Variants in IL1RAPL1 observed in about 807,000 individuals in gnomAD.
IL1RAPL1 encodes the protein interleukin-1 receptor accessory protein-like 1.
In IL1RAPL1, 3 loss-of-function variants were observed where a neutral mutation model predicts 48.4. That is an observed-to-expected ratio of 0.06 (90% confidence interval 0.03 to 0.16). The LOEUF (loss-of-function observed/expected upper bound fraction) is 0.16. Ranked by LOEUF, IL1RAPL1 falls within the 10% of genes least tolerant of loss-of-function variation. The pLI, the probability that IL1RAPL1 is intolerant of heterozygous loss-of-function variation, is 1.00. For missense variants in IL1RAPL1, 349 were observed against 530.6 expected (o/e 0.66, Z 3.36); for synonymous variants, 185 against 187.7 (o/e 0.99, Z 0.12).
chrX:29,203,071 CAGAACTG>C (rs1930588231), intron 2 of IL1RAPL1, among the ~76,000 whole-genome samples: 1 of 111,422 alleles, frequency 9.0e-6, no homozygotes. Flanking sequence ...GATTTTAGTA[CAGAACTG>C]AGATCTGTAC....
At chrX:28,744,532 A>T (rs188105749) in intron 1 of IL1RAPL1, among the ~76,000 whole-genome samples, 41 of 111,275 alleles carry the variant, frequency 3.7e-4, no homozygotes, top group Non-Finnish European at 5.7e-5. Context: ...TTGGAAAAGG[A>T]TCCTTGTGAC....
chrX:29,823,211 C>T (rs1930658989), intron 6 of IL1RAPL1, among the ~76,000 whole-genome samples: 1 of 111,057 alleles, frequency 9.0e-6, no homozygotes, highest in Admixed American at 9.6e-5. Context: ...TGGGTTGTCA[C>T]AATGGGAGAT....
At chrX:28,590,718 T>C (rs1274983861) in intron 1 of IL1RAPL1, among the ~76,000 whole-genome samples, 2 of 111,853 alleles carry the variant, frequency 1.8e-5, no homozygotes, top group Non-Finnish European at 3.8e-5. Flanking sequence ...TTCAATATTT[T>C]ATAAATGACT....
chrX:29,208,119 A>G (rs1320800857), intron 2 of IL1RAPL1, among the ~76,000 whole-genome samples: 1 of 111,634 alleles, frequency 9.0e-6, no homozygotes, highest in Admixed American at 9.6e-5. Context: ...GCAAGAGTAG[A>G]TACGGTATGA....
At chrX:28,914,487 TC>T (rs1465515638) in intron 2 of IL1RAPL1, among the ~76,000 whole-genome samples, 1 of 112,148 alleles carries the variant, frequency 8.9e-6, no homozygotes, top group Non-Finnish European at 1.9e-5. Context: ...TCTTATTACT[TC>T]TTTTGTCAAA....
At chrX:29,330,177 A>G (rs1932873370) in intron 3 of IL1RAPL1, among the ~76,000 whole-genome samples, 1 of 112,210 alleles carries the variant, frequency 8.9e-6, no homozygotes. Context: ...TATATGAATT[A>G]TATCTCATTA....
intron 1 of IL1RAPL1, among the ~76,000 whole-genome samples, chrX:28,700,216 T>A (rs1164352488): frequency 9.0e-6 from 1 of 111,447 alleles, no homozygotes; most frequent in Middle Eastern, 4.3e-3. Context: ...AGGGATGCCC[T>A]TTACTTTCTG....
chrX:29,942,525 T>G (rs1933147232), intron 9 of IL1RAPL1, among the ~76,000 whole-genome samples: 1 of 110,284 alleles, frequency 9.1e-6, no homozygotes, highest in Admixed American at 9.7e-5. Flanking sequence ...TTTTAAAAAA[T>G]AACAAAAAGG....
intron 6 of IL1RAPL1, among the ~76,000 whole-genome samples, chrX:29,864,168 G>A (rs1839155773): frequency 8.9e-6 from 1 of 112,658 alleles, no homozygotes; most frequent in Non-Finnish European, 1.9e-5. Context: ...GGTGACATTG[G>A]TTGAGAGACC....
chrX:29,178,334 G>C (rs367625346), intron 2 of IL1RAPL1, among the ~76,000 whole-genome samples: 24 of 112,071 alleles, frequency 2.1e-4, no homozygotes, highest in Non-Finnish European at 2.8e-4. Context: ...TTGCATTTCT[G>C]TGATGACCAG....
intron 3 of IL1RAPL1, among the ~76,000 whole-genome samples, chrX:29,332,636 ATTTATTTATTTAT>A (rs1167674729): frequency 1.0e-5 from 1 of 98,144 alleles, no homozygotes; most frequent in African/African-American, 4.4e-5. Flanking sequence ...TTATTTATTT[ATTTATTTATTTAT>A]TTTATTTTTT....
intron 2 of IL1RAPL1, among the ~76,000 whole-genome samples, chrX:28,875,179 A>G (rs915917087): frequency 1.8e-5 from 2 of 112,350 alleles, no homozygotes; most frequent in Admixed American, 1.9e-4. Context: ...TAGAAAGAGC[A>G]CATTGGCTTT....
At chrX:28,962,594 T>A (rs889816995) in intron 2 of IL1RAPL1, among the ~76,000 whole-genome samples, 3 of 111,088 alleles carry the variant, frequency 2.7e-5, no homozygotes, top group Admixed American at 1.9e-4. Context: ...GACTGTAGAT[T>A]GAAAATATTC....
intron 2 of IL1RAPL1, among the ~76,000 whole-genome samples, chrX:28,914,763 A>G (rs1469599788): frequency 8.9e-6 from 1 of 112,741 alleles, no homozygotes; most frequent in African/African-American, 3.2e-5. Flanking sequence ...TGACAGCAAA[A>G]CATGTGTTAG....
chrX:29,233,691 C>T (rs1026778752), intron 2 of IL1RAPL1, among the ~76,000 whole-genome samples: 5 of 111,120 alleles, frequency 4.5e-5, no homozygotes, highest in Non-Finnish European at 9.4e-5. Flanking sequence ...ACCACACCCC[C>T]GACTAGGTTA....
At chrX:29,633,590 G>T (rs1316503883) in intron 5 of IL1RAPL1, among the ~76,000 whole-genome samples, 2 of 110,774 alleles carry the variant, frequency 1.8e-5, no homozygotes, top group African/African-American at 6.6e-5. Flanking sequence ...CAAGCTGGGT[G>T]GCTTGAAACA....
chrX:28,845,443 C>A (rs1921485389), intron 2 of IL1RAPL1, among the ~76,000 whole-genome samples: 1 of 111,337 alleles, frequency 9.0e-6, no homozygotes, highest in Non-Finnish European at 1.9e-5. Context: ...TTAAAATAAT[C>A]TAGCTATGTC....
chrX:29,855,507 A>G (rs907629867), intron 6 of IL1RAPL1, among the ~76,000 whole-genome samples: 16 of 111,719 alleles, frequency 1.4e-4, no homozygotes, highest in Admixed American at 1.0e-3. Flanking sequence ...GGCTCTAGAT[A>G]AAGATCCTGG....
intron 1 of IL1RAPL1, among the ~76,000 whole-genome samples, chrX:28,700,518 T>A (rs1171328260): frequency 9.1e-6 from 1 of 109,509 alleles, no homozygotes; most frequent in Non-Finnish European, 1.9e-5. Flanking sequence ...TCAGTCTGTC[T>A]CTGGAACCTC....
Sources: allele counts gnomAD v4.1 joint callset (sites outside exome capture counted in the v4.1 genomes callset), GRCh38; gene constraint gnomAD v4.1.1; transcripts MANE v1.5; gene names NCBI Gene and HGNC (gene_info 2026-07-23, HGNC 2026-07-21).